APPBP2: variants seen among roughly 807,000 people sequenced by gnomAD.
The protein encoded by APPBP2 is amyloid beta precursor protein binding protein 2.
Under a neutral mutation model 76.0 loss-of-function variants are expected in APPBP2, and 15 were observed. That is an observed-to-expected ratio of 0.20 (90% CI 0.13 to 0.30). APPBP2 has a LOEUF of 0.30. APPBP2 is among the 10% of genes least tolerant of loss of function. The pLI, the probability that APPBP2 is intolerant of heterozygous loss-of-function variation, is 1.00. For missense variants in APPBP2, 401 were observed against 687.2 expected (o/e 0.58, Z 4.66); for synonymous variants, 222 against 242.2 (o/e 0.92, Z 0.77).
At chr17:60,521,455 G>A (rs746829021) in intron 1 of APPBP2, among the ~76,000 whole-genome samples, 14 of 152,140 alleles carry the variant, frequency 9.2e-5, no homozygotes, top group Non-Finnish European at 1.9e-4. Context: ...CTCCATTCAC[G>A]GTAAGTGCCC....
chr17:60,502,049 TTTTA>T (rs201357008), intron 1 of APPBP2, among the ~76,000 whole-genome samples: 53 of 152,228 alleles, frequency 3.5e-4, no homozygotes, highest in South Asian at 1.0e-3. Flanking sequence ...GATTTGTTAT[TTTTA>T]TTTATTTATT....
chr17:60,496,845 C>G (rs199614783), intron 2 of APPBP2, among the ~76,000 whole-genome samples: 23 of 152,058 alleles, frequency 1.5e-4, no homozygotes, highest in African/African-American at 5.3e-4. Context: ...CTCAGCCTCC[C>G]GAGTAGCTGG....
At chr17:60,492,882 A>T (rs886218863) in intron 3 of APPBP2, among the ~76,000 whole-genome samples, 2 of 152,082 alleles carry the variant, frequency 1.3e-5, no homozygotes, top group African/African-American at 4.8e-5. Flanking sequence ...TGAGGACATG[A>T]GATTTGCGAG....
rs2090621714 is a variant in APPBP2, at chr17:60,480,681, C to T, written c.380-1410G>A. On this transcript the variant is annotated intron_variant, in intron 3 of 12. Transcript: ENST00000083182. ...AGCAATATTCTACTTATCATCCCAACATATTGTATATTGTGCTGGTTATTA... is the reference window on the plus strand; with the variant it reads ...AGCAATATTCTACTTATCATCCCAATATATTGTATATTGTGCTGGTTATTA... 3.3e-5 allele frequency among the ~76,000 whole-genome samples: 5 copies of T among 152,156 alleles called. No individual in the cohort carries two copies. The South Asian group carries it at 8.3e-4, about 25-fold the overall frequency.
At chr17:60,453,067 C>T (rs1471818793) in intron 11 of APPBP2, among the ~76,000 whole-genome samples, 1 of 152,126 alleles carries the variant, frequency 6.6e-6, no homozygotes, top group East Asian at 1.9e-4. Context: ...CTGCTAAGAG[C>T]TATACTTAGT....
chr17:60,521,946 G>C (rs1473717934), intron 1 of APPBP2, among the ~76,000 whole-genome samples: 1 of 152,156 alleles, frequency 6.6e-6, no homozygotes, highest in Admixed American at 6.5e-5. Context: ...ACTCAGTAAA[G>C]TAACATGCTA....
intron 1 of APPBP2, among the ~76,000 whole-genome samples, chr17:60,520,589 A>T (rs866593765): frequency 3.6e-4 from 49 of 135,720 alleles, no homozygotes; most frequent in African/African-American, 1.7e-3. Context: ...AAAAAAAAAA[A>T]AATTAAGATT....
At position 60,449,164 on chromosome 17, in the gene APPBP2, C is replaced by T. The variant is rs183450305; in HGVS notation, c.1505-1330G>A. Among the ~76,000 whole-genome samples, 36 of 152,178 alleles carry T rather than the reference C, an allele frequency of 2.4e-4. No homozygotes were observed. The East Asian group carries it at 6.4e-3, about 27-fold the overall frequency. ...TAAGTAGTAGGTCTGTTTTTCACAG[C>T]GGTATGGGTTAGCAACTCTTAAACT... On this transcript the variant is annotated intron_variant, in intron 12 of 12. Transcript: ENST00000083182.
chr17:60,475,473 G>C (rs763910123), intron 4 of APPBP2, among the ~76,000 whole-genome samples: 12 of 151,982 alleles, frequency 7.9e-5, no homozygotes, highest in Non-Finnish European at 1.5e-4. Flanking sequence ...AGATATACTG[G>C]GTCTTCATGT....
chr17:60,525,068 T>C (rs1365186166), intron 1 of APPBP2, among the ~76,000 whole-genome samples: 1 of 152,216 alleles, frequency 6.6e-6, no homozygotes, highest in Non-Finnish European at 1.5e-5. Context: ...GATTTAAGAA[T>C]GCTGCAAGAT....
intron 3 of APPBP2, among the ~76,000 whole-genome samples, chr17:60,489,277 C>T (rs1005179480): frequency 6.7e-6 from 1 of 149,922 alleles, no homozygotes; most frequent in Non-Finnish European, 1.5e-5. Context: ...CTCTGAAGTC[C>T]CTTCGGCAAC....
At chr17:60,453,115 G>T (rs971858140) in intron 11 of APPBP2, among the ~76,000 whole-genome samples, 21 of 152,150 alleles carry the variant, frequency 1.4e-4, no homozygotes, top group African/African-American at 5.1e-4. Flanking sequence ...TATATACTAA[G>T]AACTGTTTGA....
At chr17:60,509,752 T>C (rs1169389168) in intron 1 of APPBP2, among the ~76,000 whole-genome samples, 2 of 152,134 alleles carry the variant, frequency 1.3e-5, no homozygotes, top group South Asian at 2.1e-4. Flanking sequence ...TGAGCTGAGA[T>C]TGCACCATTG....
intron 5 of APPBP2, chr17:60,464,815 A>C (rs1380696360): frequency 6.6e-6 from 1 of 152,244 alleles, no homozygotes; most frequent in Non-Finnish European, 1.5e-5. Flanking sequence ...TGGGAGGCTG[A>C]GATGGGAGGA....
rs989281226 is a variant in APPBP2, at chr17:60,517,267, T to C, written c.138+8527A>G. Among the ~76,000 whole-genome samples, 6 of 152,252 alleles carry C rather than the reference T, an allele frequency of 3.9e-5. No homozygotes were observed. The East Asian group carries it at 5.8e-4, about 15-fold the overall frequency. ...CTGGGATTACAGGCGTGAGCCACCA[T>C]GTTGGGCCTTTTCTCTGCTATTAAT... On this transcript the variant is annotated intron_variant, in intron 1 of 12. Transcript: ENST00000083182.
At chr17:60,455,465 A>G (rs2090424398) in intron 10 of APPBP2, among the ~76,000 whole-genome samples, 1 of 152,266 alleles carries the variant, frequency 6.6e-6, no homozygotes, top group African/African-American at 2.4e-5. Context: ...ATGCACGGAA[A>G]TAACACATAG....
chr17:60,512,105 A>T (rs1447633848), intron 1 of APPBP2, among the ~76,000 whole-genome samples: 95 of 139,948 alleles, frequency 6.8e-4, no homozygotes, highest in African/African-American at 2.7e-3. Context: ...TATTATTATT[A>T]TTATTTTCTT....
At chr17:60,518,171 A>C (rs1159192715) in intron 1 of APPBP2, among the ~76,000 whole-genome samples, 1 of 151,538 alleles carries the variant, frequency 6.6e-6, no homozygotes, top group Non-Finnish European at 1.5e-5. Context: ...AATTCTGCCA[A>C]GTAACTGGCA....
In APPBP2 at chr17:60,470,400, C is replaced by A. The variant is rs548211445; in HGVS notation, c.504-3941G>T. ...TCAGCCTCCTACGTAGCTGAGACGACAGGCCAGTGCCACCACACCTGGCTG... is the reference window on the plus strand; with the variant it reads ...TCAGCCTCCTACGTAGCTGAGACGAAAGGCCAGTGCCACCACACCTGGCTG... On this transcript the variant is annotated intron_variant, in intron 4 of 12. Coordinates refer to ENST00000083182, the MANE Select transcript of APPBP2 (RefSeq NM_006380.5). Among the ~76,000 whole-genome samples, 7 of 152,124 alleles carry A rather than the reference C, an allele frequency of 4.6e-5. No individual in the cohort carries two copies. The East Asian group carries it at 1.4e-3, about 30-fold the overall frequency.
Sources: allele counts gnomAD v4.1 joint callset (sites outside exome capture counted in the v4.1 genomes callset), GRCh38; gene constraint gnomAD v4.1.1; transcripts MANE v1.5; gene names NCBI Gene and HGNC (gene_info 2026-07-23, HGNC 2026-07-21).